The following ARHGEF7 variants were observed in gnomAD, a reference collection of about 807,000 sequenced individuals.
The protein encoded by ARHGEF7 is Rho guanine nucleotide exchange factor 7, also known as PAK-interacting exchange factor beta.
A neutral mutation model predicts 109.8 loss-of-function variants in ARHGEF7; 33 were observed. The ratio of observed to expected loss-of-function variants is 0.30; its 90% CI spans 0.23 to 0.40. ARHGEF7 has a LOEUF of 0.40. Ranked by LOEUF, ARHGEF7 falls within the 10% of genes least tolerant of loss-of-function variation. The probability of loss-of-function intolerance (pLI) is 1.00; values close to 1 mark genes in which losing one functional copy is unlikely to be tolerated. For missense variants in ARHGEF7, 938 were observed against 1,098.5 expected (o/e 0.85, Z 2.07); for synonymous variants, 458 against 424.6 (o/e 1.08, Z -0.97).
intron 5 of ARHGEF7, among the ~76,000 whole-genome samples, chr13:111,225,598 G>T (rs2085100186): frequency 6.6e-6 from 1 of 151,662 alleles, no homozygotes; most frequent in African/African-American, 2.4e-5. Context: ...ACTTGTCCCA[G>T]TGCTTCATTT....
At chr13:111,241,264 G>A (rs976498178) in intron 6 of ARHGEF7, 5 of 1,536,044 alleles carry the variant, frequency 3.3e-6, no homozygotes, top group South Asian at 1.2e-5. Context: ...GAGCTGTGGC[G>A]TCCAGGCTGT....
intron 3 of ARHGEF7, among the ~76,000 whole-genome samples, chr13:111,208,089 G>A (rs1004133798): frequency 3.3e-5 from 5 of 152,216 alleles, no homozygotes; most frequent in African/African-American, 7.2e-5. Flanking sequence ...TGCCCAGGCT[G>A]GAGTGCAATG....
intron 18 of ARHGEF7, among the ~76,000 whole-genome samples, chr13:111,291,802 T>C (rs757945666): frequency 3.9e-5 from 6 of 152,260 alleles, no homozygotes; most frequent in Admixed American, 6.5e-5. Context: ...GGGTGTGATT[T>C]GTAAAAGATT....
chr13:111,175,525 C>T, intron 2 of ARHGEF7, among the ~76,000 whole-genome samples: 1 of 152,174 alleles, frequency 6.6e-6, no homozygotes, highest in East Asian at 1.9e-4. Flanking sequence ...TTGAGCCTGC[C>T]TGCTGCAGGC....
chr13:111,243,088 G>A (rs1054223832), intron 6 of ARHGEF7, among the ~76,000 whole-genome samples: 1 of 152,206 alleles, frequency 6.6e-6, no homozygotes. Context: ...AAATGAAGTA[G>A]TAAAGATTGT....
intron 2 of ARHGEF7, among the ~76,000 whole-genome samples, chr13:111,174,407 C>G (rs1243877774): frequency 1.3e-5 from 2 of 152,186 alleles, no homozygotes; most frequent in African/African-American, 2.4e-5. Flanking sequence ...CCCCTTTGGT[C>G]CTTGACAGAT....
intron 1 of ARHGEF7, among the ~76,000 whole-genome samples, chr13:111,134,099 A>G (rs1174225147): frequency 1.3e-5 from 2 of 151,936 alleles, no homozygotes; most frequent in African/African-American, 2.4e-5. Flanking sequence ...AGCTTCATCC[A>G]TGTCCCTACA....
chr13:111,137,910 G>A (rs76793790), intron 1 of ARHGEF7, among the ~76,000 whole-genome samples: 2,030 of 152,232 alleles, frequency 0.013, 50 homozygotes, highest in African/African-American at 0.047. Context: ...ACTGTTTTAG[G>A]TAAAGATGCT....
intron 8 of ARHGEF7, among the ~76,000 whole-genome samples, chr13:111,263,888 A>G (rs2091354932): frequency 6.6e-6 from 1 of 152,240 alleles, no homozygotes; most frequent in Admixed American, 6.5e-5. Flanking sequence ...TTACTTCTGT[A>G]CAAAATGATA....
chr13:111,208,770 G>A (rs2082172262), intron 3 of ARHGEF7, among the ~76,000 whole-genome samples: 1 of 151,722 alleles, frequency 6.6e-6, no homozygotes, highest in South Asian at 2.1e-4. Context: ...TAGGGTGAGG[G>A]GGTGACCTGA....
chr13:111,293,189 A>G (rs1399260373), intron 19 of ARHGEF7: 7 of 985,260 alleles, frequency 7.1e-6, no homozygotes, highest in Non-Finnish European at 8.4e-6. Flanking sequence ...AGACTACTGG[A>G]CTGTAGTAGA....
intron 2 of ARHGEF7, among the ~76,000 whole-genome samples, chr13:111,173,304 T>G (rs2077773044): frequency 6.6e-6 from 1 of 152,208 alleles, no homozygotes; most frequent in Non-Finnish European, 1.5e-5. Flanking sequence ...AGGGGTGGTG[T>G]GCTTGGCTAG....
rs753900633 is a variant in ARHGEF7, at chr13:111,289,144, ATC to A, written c.2134+704_2134+705del. 4.1e-4 allele frequency among the ~76,000 whole-genome samples: 62 copies of A among 151,808 alleles called. 1 individual carries two copies. Among genetic ancestry groups the A allele is most frequent in the South Asian group, 3.5e-3 (17 of 4,812 alleles). ...CCTCCTGGGTTCAAGTGATTCTTCT[ATC>A]TCAGCCTCCTGAGTTCCTGGGATTA... On this transcript the variant is annotated intron_variant, in intron 18 of 21. Transcript: ENST00000646102.
At chr13:111,146,873 T>TCA (rs1452656943) in intron 1 of ARHGEF7, among the ~76,000 whole-genome samples, 1 of 152,202 alleles carries the variant, frequency 6.6e-6, no homozygotes, top group Non-Finnish European at 1.5e-5. Flanking sequence ...AATTTTCATA[T>TCA]CACACACACT....
rs1034645188 is a variant in ARHGEF7, at chr13:111,266,161, C to T, written c.951-1387C>T. ...GGCAGTTAATCCATGTGAATGCTCA[C>T]GGTTGACTCAGATGGAGACAGTTAG... On this transcript the variant is annotated intron_variant, in intron 8 of 21. Transcript: ENST00000646102. This position sits in a 1 kb window ranked among gnomAD's most constrained non-coding sequence, Gnocchi z 4.8. Among the ~76,000 whole-genome samples the T allele has an allele frequency of 1.2e-4, 18 of 152,098 alleles. No individual in the cohort carries two copies. Among genetic ancestry groups the T allele is most frequent in the Admixed American group, 6.5e-4 (10 of 15,280 alleles).
intron 1 of ARHGEF7, among the ~76,000 whole-genome samples, chr13:111,153,280 C>G (rs1276540541): frequency 6.6e-6 from 1 of 152,252 alleles, no homozygotes; most frequent in Non-Finnish European, 1.5e-5. Context: ...GCTGCGTCCA[C>G]TTGGGAGAGG....
chr13:111,150,482 A>T (rs2153370240), intron 1 of ARHGEF7, among the ~76,000 whole-genome samples: 1 of 152,128 alleles, frequency 6.6e-6, no homozygotes, highest in African/African-American at 2.4e-5. Context: ...TTCTCCACTT[A>T]TTTGCCTTGC....
Position 111,243,920 on chromosome 13 carries a change from C to CTGA in ARHGEF7, c.808_809insTGA (p.Gln270delinsLeuLys). 6.2e-7 allele frequency: 1 copy of CTGA among 1,613,306 alleles called. No homozygotes were observed. The highest frequency in any genetic ancestry group is 8.5e-7 in the Non-Finnish European group (1 of 1,179,446). Reference sequence around the variant, plus strand: ...AGAAAATGAATATTCTAAAGAACTTCAGACTGTGCTTTCAACGTACCTACG... The same window carrying CTGA: ...AGAAAATGAATATTCTAAAGAACTTCTGAAGACTGTGCTTTCAACGTACCTACG... On this transcript the variant is annotated protein_altering_variant, in exon 7 of 22. Transcript: ENST00000646102.
intron 2 of ARHGEF7, among the ~76,000 whole-genome samples, chr13:111,163,821 C>T (rs7321344): frequency 0.015 from 2,228 of 152,272 alleles, 27 homozygotes; most frequent in African/African-American, 0.034. Context: ...AGGCATGAGC[C>T]GCTGTACCTG....
Sources: allele counts gnomAD v4.1 joint callset (sites outside exome capture counted in the v4.1 genomes callset), GRCh38; gene constraint gnomAD v4.1.1; non-coding constraint Gnocchi (gnomAD v3.1); transcripts MANE v1.5; gene names NCBI Gene and HGNC (gene_info 2026-07-23, HGNC 2026-07-21).